Variants in CDCA7L observed in about 807,000 individuals in gnomAD.
The protein encoded by CDCA7L is cell division cycle-associated 7-like protein.
In CDCA7L, 44 loss-of-function variants were observed where a neutral mutation model predicts 57.4. That is an observed-to-expected ratio of 0.77 (90% CI 0.60 to 0.98). CDCA7L has a LOEUF of 0.98. CDCA7L is among the 50% of genes least tolerant of loss of function. The probability of loss-of-function intolerance (pLI) is 0.00; values close to 1 mark genes in which losing one functional copy is unlikely to be tolerated. For missense variants in CDCA7L, 644 were observed against 580.6 expected (o/e 1.11, Z -1.12); for synonymous variants, 236 against 202.8 (o/e 1.16, Z -1.39).
Position 21,907,876 on chromosome 7 carries a change from A to G in CDCA7L, c.681+254T>C, listed in dbSNP as rs558899693. 4.6e-5 allele frequency among the ~76,000 whole-genome samples: 7 copies of G among 152,304 alleles called. No individual in the cohort carries two copies. In the South Asian group the frequency reaches 1.5e-3, roughly 32 times the overall value. On this transcript the variant is annotated intron_variant, in intron 4 of 9. Transcript: ENST00000406877. The stretch of plus-strand genomic sequence containing the variant: ...CTTAGAACTTAGCTTGGTCAACAGT[A>G]AGCAGCATTATGGCACCATGTAGGG...
intron 1 of CDCA7L, among the ~76,000 whole-genome samples, chr7:21,943,888 C>T (rs1032259674): frequency 6.6e-6 from 1 of 152,182 alleles, no homozygotes; most frequent in African/African-American, 2.4e-5. Context: ...AGTAAACGCT[C>T]ACTTCCAACT....
In CDCA7L at chr7:21,901,893, GTGTGGTCTATTAAAC is replaced by G. The variant is rs1225495889; in HGVS notation, c.*414_*428del. 13 of 196,072 alleles carry G rather than the reference GTGTGGTCTATTAAAC, an allele frequency of 6.6e-5. No homozygotes were observed. In the South Asian group the frequency reaches 1.2e-3, roughly 19 times the overall value. The allele number at this position is 196,072 out of a possible 1,614,324, so 12.1% of individuals were successfully genotyped here. On this transcript the variant is annotated 3_prime_UTR_variant, in exon 10 of 10. Coordinates refer to ENST00000406877, the MANE Select transcript of CDCA7L (RefSeq NM_018719.5). Reference sequence around the variant, plus strand: ...TGACCAAGAGCAGGTTAAACGATGTGTGTGGTCTATTAAACTGTGGTCACTCGTGCTAAGGCACAC... The same window carrying G: ...TGACCAAGAGCAGGTTAAACGATGTGTGTGGTCACTCGTGCTAAGGCACAC...
In CDCA7L at chr7:21,902,063, T is replaced by TTAA. The variant is rs1784905362; in HGVS notation, c.*256_*258dup. On this transcript the variant is annotated 3_prime_UTR_variant, in exon 10 of 10. Coordinates refer to ENST00000406877, the MANE Select transcript of CDCA7L (RefSeq NM_018719.5). ...CCCCACCCCATTTAAACTGTGCTTTTTAATAACTGGCAGATATTTTTAACA... is the reference window on the plus strand; with the variant it reads ...CCCCACCCCATTTAAACTGTGCTTTTTAATAATAACTGGCAGATATTTTTAACA... The TTAA allele has an allele frequency of 2.0e-6, 1 of 488,558 alleles. No individual in the cohort carries two copies. The highest frequency in any genetic ancestry group is 3.3e-5 in the East Asian group (1 of 30,406). The allele number at this position is 488,558 out of a possible 1,614,324, so 30.3% of individuals were successfully genotyped here.
At chr7:21,933,584 A>T (rs766128625) in intron 1 of CDCA7L, among the ~76,000 whole-genome samples, 1 of 152,212 alleles carries the variant, frequency 6.6e-6, no homozygotes, top group African/African-American at 2.4e-5. Flanking sequence ...ATTCTTATTC[A>T]TAGTTGGCAG....
chr7:21,910,149 GAAATGC>G (rs1785270809), intron 3 of CDCA7L, among the ~76,000 whole-genome samples: 1 of 152,194 alleles, frequency 6.6e-6, no homozygotes, highest in Non-Finnish European at 1.5e-5. Context: ...TCTCTCACTA[GAAATGC>G]AAATGCTTCG....
chr7:21,945,586 C>T (rs1007504913), intron 1 of CDCA7L, among the ~76,000 whole-genome samples, 195 bp downstream of exon 1: 1 of 152,256 alleles, frequency 6.6e-6, no homozygotes, highest in Admixed American at 6.5e-5. Context: ...CCTCTGTGGT[C>T]CGCGTAGCAC....
chr7:21,944,113 T>G (rs1786429570), intron 1 of CDCA7L, among the ~76,000 whole-genome samples: 1 of 152,092 alleles, frequency 6.6e-6, no homozygotes, highest in Non-Finnish European at 1.5e-5. Flanking sequence ...TGTTTTTTGT[T>G]TTTAGTCCTG....
chr7:21,943,068 C>T (rs2128072014), intron 1 of CDCA7L, among the ~76,000 whole-genome samples: 1 of 152,286 alleles, frequency 6.6e-6, no homozygotes, highest in Middle Eastern at 3.4e-3. Context: ...CAGTTTCTCT[C>T]CTACGGAGCT....
chr7:21,933,723 G>T (rs1279010404), intron 1 of CDCA7L, among the ~76,000 whole-genome samples: 1 of 151,922 alleles, frequency 6.6e-6, no homozygotes, highest in East Asian at 1.9e-4. Flanking sequence ...AATGGGTGCA[G>T]CAAACCACCA....
chr7:21,927,626 A>ATTC (rs1785868702), intron 1 of CDCA7L, among the ~76,000 whole-genome samples: 2 of 152,212 alleles, frequency 1.3e-5, no homozygotes, highest in Non-Finnish European at 2.9e-5. Flanking sequence ...CAGTGGATGA[A>ATTC]AACTCCCCAA....
rs540748332 is a variant in CDCA7L at position 21,906,569 on chromosome 7, G to A, written c.752C>T (p.Ser251Phe). ...ATAATTATAAGGAGTTCTACTTACA[G>A]AAGCTGAGGTTGGGGTTCGTACTGG... Reference protein sequence around the residue: ...FFPVRTPTSASRKKTVRRAFS... With the variant: ...FFPVRTPTSAFRKKTVRRAFS... Residue 251 changes from serine to phenylalanine, a missense_variant and splice_region_variant, in exon 5 of 10, where the codon TCT becomes TTT. Coordinates refer to ENST00000406877, the MANE Select transcript of CDCA7L (RefSeq NM_018719.5). 8.1e-6 allele frequency: 13 copies of A among 1,614,102 alleles called. No individual in the cohort carries two copies. The highest frequency in any genetic ancestry group is 2.2e-5 in the South Asian group (2 of 91,066).
chr7:21,941,360 C>CTGTAAAG (rs1418081275), intron 1 of CDCA7L, among the ~76,000 whole-genome samples: 1 of 152,186 alleles, frequency 6.6e-6, no homozygotes, highest in Non-Finnish European at 1.5e-5. Context: ...AGCAATCATA[C>CTGTAAAG]TGTAAAGGTT....
intron 1 of CDCA7L, among the ~76,000 whole-genome samples, chr7:21,917,817 T>C (rs1785531397): frequency 1.3e-5 from 2 of 152,200 alleles, no homozygotes; most frequent in Non-Finnish European, 2.9e-5. Flanking sequence ...CCGAATATAA[T>C]TCAGCACATA....
chr7:21,902,855 G>A (rs899938502), intron 9 of CDCA7L, 123 bp downstream of exon 9: 7 of 808,902 alleles, frequency 8.7e-6, no homozygotes, highest in Middle Eastern at 3.8e-4. Flanking sequence ...AGAATGGATG[G>A]TACTCGTGGT....
chr7:21,932,409 A>C (rs1351897129), intron 1 of CDCA7L, among the ~76,000 whole-genome samples: 4 of 152,218 alleles, frequency 2.6e-5, no homozygotes, highest in African/African-American at 9.6e-5. Context: ...CTATACTACA[A>C]GGCTACAGTA....
chr7:21,903,163 G>A (rs972395816), intron 8 of CDCA7L, 49 bp from the exon 9 acceptor site: 2 of 1,572,382 alleles, frequency 1.3e-6, no homozygotes, highest in Admixed American at 1.7e-5. Context: ...TACAGGGTCT[G>A]GCAAGAACTG....
intron 9 of CDCA7L, 44 bp downstream of exon 9, chr7:21,902,934 T>A: frequency 6.3e-7 from 1 of 1,595,676 alleles, no homozygotes; most frequent in Non-Finnish European, 8.6e-7. Context: ...GTGCTCAGCC[T>A]CAAGATTTCA....
At chr7:21,924,853 C>T (rs897297831) in intron 1 of CDCA7L, among the ~76,000 whole-genome samples, 3 of 152,126 alleles carry the variant, frequency 2.0e-5, no homozygotes, top group Non-Finnish European at 4.4e-5. Context: ...CTCTGATTTG[C>T]ACCCAGAAAA....
chr7:21,908,412 G>A lies in CDCA7L; in HGVS notation c.399C>T (p.Ser133=), dbSNP rs1223769168. The change falls in exon 4 of 10, where the codon AGC becomes AGT. Residue 133 remains serine, a synonymous_variant. Transcript: ENST00000406877. The part of the protein sequence containing the change: ...EEEDKATPRR[S]RSRRSSIGLR... ...GACCAATACTACTTCTTCTAGACCTGCTTCTTCTAGGGGTAGCCTTATCTT... is the reference window on the plus strand; with the variant it reads ...GACCAATACTACTTCTTCTAGACCTACTTCTTCTAGGGGTAGCCTTATCTT... 1.9e-5 allele frequency: 31 copies of A among 1,599,270 alleles called. No individual in the cohort carries two copies. The highest frequency in any genetic ancestry group is 2.6e-5 in the Non-Finnish European group (30 of 1,176,052).
Sources: allele counts gnomAD v4.1 joint callset (sites outside exome capture counted in the v4.1 genomes callset), GRCh38; gene constraint gnomAD v4.1.1; transcripts MANE v1.5; gene names NCBI Gene and HGNC (gene_info 2026-07-23, HGNC 2026-07-21).